Variants in RARB observed in about 807,000 individuals in gnomAD.
The protein encoded by RARB is HBV-activated protein.
RARB carries 17 observed loss-of-function variants against 51.9 expected under a neutral mutation model. The observed-to-expected ratio is 0.33, with a 90% CI of 0.22 to 0.49. The LOEUF is 0.49. Ranked by LOEUF, RARB falls within the 20% of genes least tolerant of loss-of-function variation. The probability of loss-of-function intolerance (pLI) is 0.99; values close to 1 mark genes in which losing one functional copy is unlikely to be tolerated. For synonymous variants in RARB, 215 were observed against 195.4 expected (o/e 1.10, Z -0.84); for missense variants, 369 against 550.8 (o/e 0.67, Z 3.30).
intron 5 of RARB, among the ~76,000 whole-genome samples, chr3:25,258,118 C>T (rs1702910806): frequency 6.6e-6 from 1 of 152,092 alleles, no homozygotes; most frequent in Admixed American, 6.6e-5. Flanking sequence ...TGACGAATAG[C>T]TGGCAGAGGC....
chr3:25,512,550 G>A (rs1405794056), intron 3 of RARB, among the ~76,000 whole-genome samples: 1 of 152,224 alleles, frequency 6.6e-6, no homozygotes, highest in Non-Finnish European at 1.5e-5. Context: ...CCACACACTA[G>A]CCATCACTGA....
chr3:25,060,380 G>A (rs1698525040), intron 3 of RARB, among the ~76,000 whole-genome samples: 1 of 151,652 alleles, frequency 6.6e-6, no homozygotes, highest in East Asian at 1.9e-4. Flanking sequence ...TGTATATTTT[G>A]TAGAGATAGA....
chr3:25,579,164 T>C (rs1701066625), intron 4 of RARB, among the ~76,000 whole-genome samples: 1 of 152,234 alleles, frequency 6.6e-6, no homozygotes, highest in Non-Finnish European at 1.5e-5. Flanking sequence ...TTAGATAAGG[T>C]TTACACCATG....
intron 5 of RARB, among the ~76,000 whole-genome samples, chr3:25,223,769 T>A (rs1228130856): frequency 6.6e-6 from 1 of 152,220 alleles, no homozygotes; most frequent in Non-Finnish European, 1.5e-5. Flanking sequence ...GCTTGTAAAG[T>A]GACTCAGTTC....
chr3:25,240,875 T>C (rs1661444449), intron 5 of RARB, among the ~76,000 whole-genome samples: 1 of 152,316 alleles, frequency 6.6e-6, no homozygotes, highest in Non-Finnish European at 1.5e-5. Flanking sequence ...ATTTCTTCTC[T>C]CCTCAACTTT....
intron 5 of RARB, among the ~76,000 whole-genome samples, chr3:25,185,513 A>AGT (rs1395895630): frequency 6.6e-6 from 1 of 152,178 alleles, no homozygotes; most frequent in African/African-American, 2.4e-5. Flanking sequence ...ACCAAAAAGA[A>AGT]GTACCTAAGG....
At chr3:25,122,557 A>T (rs1699800646) in intron 3 of RARB, among the ~76,000 whole-genome samples, 2 of 152,152 alleles carry the variant, frequency 1.3e-5, no homozygotes, top group Admixed American at 6.6e-5. Context: ...GCTCAGACTT[A>T]CGGCAAGGGA....
intron 3 of RARB, among the ~76,000 whole-genome samples, chr3:25,116,579 C>A (rs1215812462): frequency 6.6e-6 from 1 of 151,916 alleles, no homozygotes; most frequent in Non-Finnish European, 1.5e-5. Flanking sequence ...GTAATGACAA[C>A]CTCCTTAAAG....
intron 2 of RARB, among the ~76,000 whole-genome samples, chr3:25,039,715 C>T (rs1698074542): frequency 6.6e-6 from 1 of 152,134 alleles, no homozygotes; most frequent in African/African-American, 2.4e-5. Flanking sequence ...GGAGGTAGAA[C>T]TTTGGGCACC....
intron 5 of RARB, among the ~76,000 whole-genome samples, chr3:25,266,833 G>A (rs998574570): frequency 6.6e-6 from 1 of 152,180 alleles, no homozygotes; most frequent in African/African-American, 2.4e-5. Flanking sequence ...TGCAAGCCAG[G>A]AGAAGAGCCT....
At chr3:25,416,242 A>C (rs1378109601) in intron 5 of RARB, among the ~76,000 whole-genome samples, 1 of 152,164 alleles carries the variant, frequency 6.6e-6, no homozygotes, top group Non-Finnish European at 1.5e-5. Flanking sequence ...AAAAACAATT[A>C]GTCAGGCATG....
In RARB at chr3:25,344,009, A is replaced by G. The variant is rs76399228; in HGVS notation, c.179-117184A>G. 3.8e-3 allele frequency among the ~76,000 whole-genome samples: 574 copies of G among 152,322 alleles called. 5 individuals carry two copies. The highest frequency in any genetic ancestry group is 5.2e-3 in the Non-Finnish European group (355 of 68,022). ...TGGTCTCTAAATGTGTGGCATATCCATTTGGCAAATGGAGACCAAAGAATT... is the reference window on the plus strand; with the variant it reads ...TGGTCTCTAAATGTGTGGCATATCCGTTTGGCAAATGGAGACCAAAGAATT... On this transcript the variant is annotated intron_variant, in intron 5 of 11. Transcript: ENST00000383772.
chr3:25,163,842 T>G (rs1211065117), intron 4 of RARB, among the ~76,000 whole-genome samples: 1 of 152,070 alleles, frequency 6.6e-6, no homozygotes, highest in Admixed American at 6.5e-5. Context: ...TCTTTTGACC[T>G]TAGGAGGTAA....
intron 2 of RARB, among the ~76,000 whole-genome samples, chr3:24,975,530 C>T (rs1427771253): frequency 5.3e-5 from 8 of 152,098 alleles, no homozygotes; most frequent in Admixed American, 5.2e-4. Context: ...AAAGAGAATA[C>T]ATACATTTAA....
At chr3:24,973,935 C>T (rs1488382816) in intron 2 of RARB, among the ~76,000 whole-genome samples, 1 of 151,952 alleles carries the variant, frequency 6.6e-6, no homozygotes, top group Non-Finnish European at 1.5e-5. Flanking sequence ...ATTTGGGTGC[C>T]CTTTACTTCC....
chr3:25,274,627 G>C (rs1005153121), intron 5 of RARB, among the ~76,000 whole-genome samples: 1 of 152,160 alleles, frequency 6.6e-6, no homozygotes, highest in Non-Finnish European at 1.5e-5. Flanking sequence ...AATCTCATTA[G>C]TTTATAATAA....
At chr3:24,894,303 G>A in intron 2 of RARB, among the ~76,000 whole-genome samples, 1 of 145,578 alleles carries the variant, frequency 6.9e-6, no homozygotes. Context: ...CCATCTAGTG[G>A]CCCCATCTTT....
chr3:25,099,578 A>G (rs913090229), intron 3 of RARB, among the ~76,000 whole-genome samples: 8 of 150,312 alleles, frequency 5.3e-5, no homozygotes, highest in South Asian at 2.1e-4. Flanking sequence ...ATTACTGTCA[A>G]TTTTCCTCTA....
chr3:25,535,656 C>T (rs553598738), intron 3 of RARB, among the ~76,000 whole-genome samples: 11 of 152,100 alleles, frequency 7.2e-5, no homozygotes, highest in African/African-American at 1.7e-4. Context: ...TGAGAACATG[C>T]GGTGTTTGGC....
Sources: allele counts gnomAD v4.1 joint callset (sites outside exome capture counted in the v4.1 genomes callset), GRCh38; gene constraint gnomAD v4.1.1; transcripts MANE v1.5; gene names NCBI Gene and HGNC (gene_info 2026-07-23, HGNC 2026-07-21).